The following TRPM6 variants were observed in gnomAD, a reference collection of about 807,000 sequenced individuals.
TRPM6 encodes channel kinase 2.
A neutral mutation model predicts 247.6 loss-of-function variants in TRPM6; 111 were observed. The ratio of observed to expected loss-of-function variants is 0.45; its 90% CI spans 0.38 to 0.52. The LOEUF is 0.52. Among genes scored for constraint, TRPM6 ranks in the 20% least tolerant of loss-of-function variants. TRPM6 has a pLI of 0.00. For missense variants in TRPM6, 2,126 were observed against 2,421.5 expected, an observed-to-expected ratio of 0.88 and a Z score of 2.56; for synonymous variants, 892 against 853.8, an observed-to-expected ratio of 1.04 and a Z score of -0.78.
intron 15 of TRPM6, 39 bp from the exon 16 acceptor site, chr9:74,802,214 C>G: frequency 1.3e-6 from 2 of 1,585,440 alleles, no homozygotes; most frequent in Non-Finnish European, 1.7e-6. Context: ...TTCAAATACT[C>G]AGATGTATGA....
intron 5 of TRPM6, 53 bp from the exon 6 acceptor site, chr9:74,834,175 A>G (rs1829640210): frequency 3.1e-6 from 5 of 1,610,062 alleles, no homozygotes; most frequent in Non-Finnish European, 4.2e-6. Context: ...CGTGCAAAAC[A>G]AAGAGACTGC....
intron 33 of TRPM6, among the ~76,000 whole-genome samples, chr9:74,740,544 C>T (rs777103452): frequency 2.0e-5 from 3 of 152,070 alleles, no homozygotes; most frequent in Admixed American, 6.6e-5. Flanking sequence ...GGGGATGGGA[C>T]CCAAGCGCAA....
intron 1 of TRPM6, among the ~76,000 whole-genome samples, chr9:74,860,336 A>T (rs978042394): frequency 2.0e-5 from 3 of 151,866 alleles, no homozygotes; most frequent in Admixed American, 6.6e-5. Flanking sequence ...TTATTTATTT[A>T]TTTATTTTTA....
In TRPM6 at chr9:74,785,810, A is replaced by C. The variant is rs532827097; in HGVS notation, c.2919+64T>G. Reference sequence around the variant, plus strand: ...AGTGCTGGGATTACAGGTGTGAGCCACCACACCTGGCTAAAAATAATTTTA... The same window carrying C: ...AGTGCTGGGATTACAGGTGTGAGCCCCCACACCTGGCTAAAAATAATTTTA... On this transcript the variant is annotated intron_variant, in intron 21 of 38. Coordinates refer to ENST00000360774, the MANE Select transcript of TRPM6 (RefSeq NM_017662.5). 5.4e-5 allele frequency: 85 copies of C among 1,587,410 alleles called. No homozygotes were observed. The Admixed American group carries it at 7.0e-4, about 13-fold the overall frequency.
At chr9:74,884,568 A>G (rs1003591469) in intron 1 of TRPM6, among the ~76,000 whole-genome samples, 1 of 152,048 alleles carries the variant, frequency 6.6e-6, no homozygotes, top group African/African-American at 2.4e-5. Flanking sequence ...CATCTAAATA[A>G]TATGCTCCAA....
At chr9:74,882,222 T>C (rs1050403122) in intron 1 of TRPM6, among the ~76,000 whole-genome samples, 1 of 151,966 alleles carries the variant, frequency 6.6e-6, no homozygotes, top group African/African-American at 2.4e-5. Flanking sequence ...CTTGGTTGGT[T>C]AAAAAGAAAA....
chr9:74,885,401 TACAG>T lies in TRPM6; in HGVS notation c.33+2419_33+2422del, dbSNP rs543362951. On this transcript the variant is annotated intron_variant, in intron 1 of 38. Coordinates refer to ENST00000360774, the MANE Select transcript of TRPM6 (RefSeq NM_017662.5). ...AGCAATTATAAGGAATATCTAGAGA[TACAG>T]ACAAATAGTAACTAGTTAAAAGAGA... Among the ~76,000 whole-genome samples the T allele has an allele frequency of 4.5e-4, 68 of 152,282 alleles. 1 individual carries two copies. In the South Asian group the frequency reaches 7.9e-3, roughly 18 times the overall value.
chr9:74,743,076 G>C (rs1475083418), intron 32 of TRPM6, among the ~76,000 whole-genome samples: 20 of 152,296 alleles, frequency 1.3e-4, no homozygotes, highest in Non-Finnish European at 4.4e-5. Flanking sequence ...AATTAGAAGC[G>C]AGTGATCTGC....
At position 74,848,074 on chromosome 9, in the gene TRPM6, G is replaced by T. The variant is rs550759738; in HGVS notation, c.153-5731C>A. Among the ~76,000 whole-genome samples the T allele has an allele frequency of 3.9e-5, 6 of 152,282 alleles. No homozygotes were observed. In the South Asian group the frequency reaches 1.2e-3, roughly 32 times the overall value. ...TGTGGCCATAATTTTGCAACTGAAGGTACAGCAGTAAAACTGGCATGAATT... is the reference window on the plus strand; with the variant it reads ...TGTGGCCATAATTTTGCAACTGAAGTTACAGCAGTAAAACTGGCATGAATT... On this transcript the variant is annotated intron_variant, in intron 3 of 38. Coordinates refer to ENST00000360774, the MANE Select transcript of TRPM6 (RefSeq NM_017662.5).
At chr9:74,767,220 A>G (rs1564004640) in intron 25 of TRPM6, among the ~76,000 whole-genome samples, 1 of 152,162 alleles carries the variant, frequency 6.6e-6, no homozygotes, top group Non-Finnish European at 1.5e-5. Flanking sequence ...ACATTATGTT[A>G]AATATTTTTT....
intron 18 of TRPM6, among the ~76,000 whole-genome samples, chr9:74,793,488 C>T (rs890062312): frequency 6.6e-6 from 1 of 151,994 alleles, no homozygotes; most frequent in Non-Finnish European, 1.5e-5. Flanking sequence ...AGTAGCTGGG[C>T]TTACAGTCAC....
Position 74,722,688 on chromosome 9 carries a change from C to A in TRPM6, c.*1925G>T, listed in dbSNP as rs2118646693. On this transcript the variant is annotated 3_prime_UTR_variant, in exon 39 of 39. Coordinates refer to ENST00000360774, the MANE Select transcript of TRPM6 (RefSeq NM_017662.5). Reference sequence around the variant, plus strand: ...GAATAGGATAAAGTTGTTAAGTCCCCAAAAAAGTATTAACATTTTATCCTC... The same window carrying A: ...GAATAGGATAAAGTTGTTAAGTCCCAAAAAAAGTATTAACATTTTATCCTC... 6.6e-6 allele frequency: 1 copy of A among 152,180 alleles called. No homozygotes were observed. 9.4% of individuals were successfully genotyped at this position (152,180 alleles called of 1,614,324 possible). A position where few individuals can be genotyped will look rare whatever the true frequency, so the allele number is the denominator to read the frequency against.
chr9:74,846,045 T>C (rs77744219), intron 3 of TRPM6, among the ~76,000 whole-genome samples: 4,218 of 152,270 alleles, frequency 0.028, 189 homozygotes, highest in African/African-American at 0.093. Flanking sequence ...TCAAGAGAGT[T>C]CTTATCTCTT....
At chr9:74,872,600 T>TTG (rs59577843) in intron 1 of TRPM6, among the ~76,000 whole-genome samples, 3,830 of 149,776 alleles carry the variant, frequency 0.026, 83 homozygotes, top group Middle Eastern at 0.031. Flanking sequence ...CCAGCAAATT[T>TTG]TGTGTGTGTG....
chr9:74,784,284 GAAAAAGAA>G (rs1206288894), intron 21 of TRPM6, among the ~76,000 whole-genome samples: 3 of 149,528 alleles, frequency 2.0e-5, no homozygotes, highest in Admixed American at 6.7e-5. Flanking sequence ...AAAAAAGAAA[GAAAAAGAA>G]AAAAAGAAAA....
intron 8 of TRPM6, among the ~76,000 whole-genome samples, chr9:74,821,415 C>G (rs1829124485): frequency 6.6e-6 from 1 of 152,150 alleles, no homozygotes; most frequent in Admixed American, 6.5e-5. Flanking sequence ...CCTGCAAACA[C>G]CTTTTCCCCA....
chr9:74,857,708 G>T (rs1830569304), intron 2 of TRPM6: 1 of 152,172 alleles, frequency 6.6e-6, no homozygotes, highest in African/African-American at 2.4e-5. Context: ...ATTAAAATTG[G>T]AATGATACAG....
intron 8 of TRPM6, among the ~76,000 whole-genome samples, chr9:74,821,331 A>G (rs1829122042): frequency 6.6e-6 from 1 of 152,166 alleles, no homozygotes; most frequent in Admixed American, 6.5e-5. Flanking sequence ...TCTGGGCCCA[A>G]CACTGGCCAC....
chr9:74,734,720 A>G (rs190173170), intron 36 of TRPM6, among the ~76,000 whole-genome samples: 256 of 152,340 alleles, frequency 1.7e-3, no homozygotes, highest in African/African-American at 5.9e-3. Context: ...CCTTATCACT[A>G]GTAAAATCAT....
Sources: allele counts gnomAD v4.1 joint callset (sites outside exome capture counted in the v4.1 genomes callset), GRCh38; gene constraint gnomAD v4.1.1; transcripts MANE v1.5; gene names NCBI Gene and HGNC (gene_info 2026-07-23, HGNC 2026-07-21).